The following RNF19B variants were observed in gnomAD, a reference collection of about 807,000 sequenced individuals.
RNF19B encodes E3 ubiquitin-protein ligase RNF19B.
Under a neutral mutation model 65.5 loss-of-function variants are expected in RNF19B, and 23 were observed. The observed-to-expected ratio is 0.35, with a 90% CI of 0.25 to 0.50. RNF19B has a LOEUF of 0.50. Ranked by LOEUF, RNF19B falls within the 20% of genes least tolerant of loss-of-function variation. The pLI is 0.98. For synonymous variants in RNF19B, 372 were observed against 379.6 expected, an observed-to-expected ratio of 0.98 and a Z score of 0.23; for missense variants, 794 against 980.0, an observed-to-expected ratio of 0.81 and a Z score of 2.53.
chr1:32,948,488 C>T, intron 2 of RNF19B, 125 bp from the exon 3 acceptor site: 1 of 943,788 alleles, frequency 1.1e-6, no homozygotes, highest in Non-Finnish European at 1.5e-6. Context: ...CTGAACACTC[C>T]AAATTGTACA....
intron 1 of RNF19B, among the ~76,000 whole-genome samples, chr1:32,955,036 C>T (rs571187929): frequency 1.2e-4 from 19 of 152,210 alleles, no homozygotes; most frequent in Admixed American, 2.0e-4. Context: ...CTAGGCAGCT[C>T]GTTGCCTACT....
chr1:32,957,322 T>C (rs907027234), intron 1 of RNF19B, among the ~76,000 whole-genome samples: 3 of 152,216 alleles, frequency 2.0e-5, no homozygotes, highest in Admixed American at 6.5e-5. Flanking sequence ...AAGTCTTTCT[T>C]GAAACCATCA....
intron 1 of RNF19B, among the ~76,000 whole-genome samples, 158 bp from the exon 2 acceptor site, chr1:32,949,932 T>C (rs1036444495): frequency 6.6e-6 from 1 of 152,022 alleles, no homozygotes; most frequent in African/African-American, 2.4e-5. Flanking sequence ...ACAAGCACAT[T>C]TGACCAACTG....
chr1:32,936,733 G>GAAAA lies in RNF19B; in HGVS notation c.*69_*72dup. ...AAAATACATAAATCTCTACCCCTTGGAAAAAAAAAAAAAAAAATTCCAAAA... is the reference window on the plus strand; with the variant it reads ...AAAATACATAAATCTCTACCCCTTGGAAAAAAAAAAAAAAAAAAAAATTCCAAAA... On this transcript the variant is annotated 3_prime_UTR_variant, in exon 9 of 9. Transcript: ENST00000235150. The GAAAA allele has an allele frequency of 2.1e-5, 24 of 1,160,156 alleles. No individual in the cohort carries two copies. Among genetic ancestry groups the GAAAA allele is most frequent in the African/African-American group, 4.9e-5 (3 of 60,726 alleles). The allele number at this position is 1,160,156 out of a possible 1,614,324, so 71.9% of individuals were successfully genotyped here.
downstream of RNF19B, among the ~76,000 whole-genome samples, chr1:32,933,577 G>T (rs1260512264): frequency 1.3e-5 from 2 of 152,062 alleles, no homozygotes; most frequent in African/African-American, 4.8e-5. Context: ...CTTTTCTAAT[G>T]CATTATTTGT....
Position 32,949,667 on chromosome 1 carries a change from T to A in RNF19B, c.743A>T (p.Asn248Ile). 1 of 1,613,908 alleles carries A rather than the reference T, an allele frequency of 6.2e-7. No homozygotes were observed. Residue 248 changes from asparagine (N) to isoleucine (I), a missense_variant, in exon 2 of 9, where the codon AAT (asparagine) becomes ATT (isoleucine). By Grantham distance (149) the Asn-to-Ile change is moderately radical. Coordinates refer to ENST00000235150, the MANE Select transcript of RNF19B (RefSeq NM_001300826.2). ...TTGACGGGCCATATCGCATGTCTGA[T>A]TTGGATGCCATATCTGCTTGCAGTG... is the stretch of plus-strand genomic sequence containing the variant. The part of the protein sequence containing the change: ...CYHCKQIWHP[N>I]QTCDMARQQR...
At chr1:32,954,520 C>T (rs571249099) in intron 1 of RNF19B, among the ~76,000 whole-genome samples, 1 of 151,844 alleles carries the variant, frequency 6.6e-6, no homozygotes, top group Admixed American at 6.6e-5. Context: ...AGGTGGATCA[C>T]CTGAGGTCAG....
At chr1:32,954,482 T>A (rs1201696424) in intron 1 of RNF19B, among the ~76,000 whole-genome samples, 1 of 151,748 alleles carries the variant, frequency 6.6e-6, no homozygotes, top group East Asian at 1.9e-4. Flanking sequence ...CTCACGCCTG[T>A]AATCCCAGCA....
chr1:32,938,478 G>C lies in RNF19B; in HGVS notation c.1661C>G (p.Ala554Gly). ...VQKEIFPKDT[A>G]SLGAISDNAS... ...GTTGTCACTAATTGCACCAAGACTG[G>C]CTGTGTCTTTGGGGAAAATTTCCTT... The change falls in exon 8 of 9, where the codon GCC becomes GGC. Residue 554 changes from alanine to glycine, a missense_variant. Ala to Gly is a moderately conservative substitution (Grantham distance 60). This residue lies in a region of RNF19B where 368 missense variants were observed against 447.3 expected (regional missense o/e 0.82). Transcript: ENST00000235150. 1 of 1,614,136 alleles carries C rather than the reference G, an allele frequency of 6.2e-7. No homozygotes were observed. The highest frequency in any genetic ancestry group is 8.5e-7 in the Non-Finnish European group (1 of 1,179,998).
At chr1:32,946,645 C>G (rs1642373207) in intron 3 of RNF19B, 81 bp from the exon 4 acceptor site, 10 of 1,254,108 alleles carry the variant, frequency 8.0e-6, no homozygotes, top group Admixed American at 2.3e-5. Flanking sequence ...ACAGCAACAG[C>G]CTTCTTTTCA....
downstream of RNF19B, among the ~76,000 whole-genome samples, chr1:32,935,978 G>A (rs1315297327): frequency 6.6e-6 from 1 of 151,690 alleles, no homozygotes; most frequent in Non-Finnish European, 1.5e-5. Context: ...CAAACAGCTG[G>A]CCTCAAATGA....
chr1:32,950,843 C>CTT lies in RNF19B; in HGVS notation c.636-1071_636-1070dup, dbSNP rs35369089. 3.0e-5 allele frequency among the ~76,000 whole-genome samples: 4 copies of CTT among 135,502 alleles called. No individual in the cohort carries two copies. The East Asian group carries it at 6.5e-4, about 22-fold the overall frequency. 88.9% of individuals were successfully genotyped at this position (135,502 alleles called of 152,430 possible). A position where few individuals can be genotyped will look rare whatever the true frequency, so the allele number is the denominator to read the frequency against. On this transcript the variant is annotated intron_variant, in intron 1 of 8. Coordinates refer to ENST00000235150, the MANE Select transcript of RNF19B (RefSeq NM_001300826.2). ...TGAGCCACCATGCTACCTTTTCATT[C>CTT]TTTTTTTTTTTTTTTTGAGATGGAG...
intron 1 of RNF19B, among the ~76,000 whole-genome samples, chr1:32,956,817 G>C (rs1642649892): frequency 6.6e-6 from 1 of 152,194 alleles, no homozygotes; most frequent in Admixed American, 6.5e-5. Context: ...CCTATATTAT[G>C]TCTGTACTTT....
At chr1:32,931,652 G>T (rs924382929), downstream of RNF19B, among the ~76,000 whole-genome samples, 1 of 152,220 alleles carries the variant, frequency 6.6e-6, no homozygotes, top group African/African-American at 2.4e-5. Context: ...CTTTGATTTT[G>T]ATGTACATGA....
chr1:32,950,331 G>A (rs1014063881), intron 1 of RNF19B, among the ~76,000 whole-genome samples: 1 of 152,118 alleles, frequency 6.6e-6, no homozygotes, highest in African/African-American at 2.4e-5. Context: ...AAGTGGAGGT[G>A]GAGTATCTTA....
rs185577669 is a variant in RNF19B at position 32,948,925 on chromosome 1, T to C, written c.842-562A>G. 5.2e-4 allele frequency among the ~76,000 whole-genome samples: 79 copies of C among 152,318 alleles called. No individual in the cohort carries two copies. The East Asian group carries it at 0.013, about 26-fold the overall frequency. ...GTAATTTTCAGAGCAAGTTATGAACTATCCTAATAAAATGACAATTTAGGA... is the reference window on the plus strand; with the variant it reads ...GTAATTTTCAGAGCAAGTTATGAACCATCCTAATAAAATGACAATTTAGGA... On this transcript the variant is annotated intron_variant, in intron 2 of 8. Transcript: ENST00000235150.
intron 1 of RNF19B, among the ~76,000 whole-genome samples, chr1:32,956,706 G>C (rs1488641497): frequency 1.3e-5 from 2 of 151,966 alleles, no homozygotes; most frequent in Non-Finnish European, 2.9e-5. Context: ...AAAGTGACAA[G>C]CTAGACCACA....
chr1:32,949,903 C>T, intron 1 of RNF19B, 129 bp from the exon 2 acceptor site: 2 of 673,004 alleles, frequency 3.0e-6, no homozygotes, highest in East Asian at 2.7e-5. Context: ...AAAGAATACA[C>T]ATACACACAT....
rs1217762206 is a variant in RNF19B, at chr1:32,942,467, T to C, written c.1403-8A>G. 4 of 1,611,806 alleles carry C rather than the reference T, an allele frequency of 2.5e-6. No individual in the cohort carries two copies. Among genetic ancestry groups the C allele is most frequent in the Non-Finnish European group, 3.4e-6 (4 of 1,178,096 alleles). On this transcript the variant is annotated splice_polypyrimidine_tract_variant and splice_region_variant and intron_variant, in intron 6 of 8. Coordinates refer to ENST00000235150, the MANE Select transcript of RNF19B (RefSeq NM_001300826.2). ...CTCTCCAGGCATCTGCCACTGGGGA[T>C]AGAACCAAACATCCAATTCAAGACA...
Sources: gnomAD v4.1 joint callset for allele counts (sites outside exome capture counted in the v4.1 genomes callset) on GRCh38, gnomAD v4.1.1 for gene constraint, gnomAD v4.1.1 regional missense constraint, MANE v1.5 for transcripts, NCBI Gene and HGNC (gene_info 2026-07-23, HGNC 2026-07-21) for gene names.